LINGO2: variants seen among roughly 807,000 people sequenced by gnomAD.
LINGO2 encodes leucine rich repeat and Ig domain containing 2, also known as leucine-rich repeat and immunoglobulin-like domain-containing nogo receptor-interacting protein 2.
A neutral mutation model predicts 30.6 loss-of-function variants in LINGO2; 14 were observed. That is an observed-to-expected ratio of 0.46 (90% CI 0.30 to 0.72). The LOEUF (loss-of-function observed/expected upper bound fraction) is 0.72. LINGO2 is among the 30% of genes least tolerant of loss of function. LINGO2 has a pLI of 0.07. For synonymous variants in LINGO2, 317 were observed against 288.5 expected (o/e 1.10, Z -1.00); for missense variants, 729 against 751.7 (o/e 0.97, Z 0.35).
chr9:28,932,948 C>A, the LINGO2 span, among the ~76,000 whole-genome samples: 112,365 of 151,680 alleles, frequency 0.74, 41,759 homozygotes, highest in Non-Finnish European at 0.78. Flanking sequence ...ACTCTGTCAC[C>A]CAGGCTGGAA....
At chr9:28,664,871 C>G (rs149673827) in intron 1 of LINGO2, among the ~76,000 whole-genome samples, 29 of 151,720 alleles carry the variant, frequency 1.9e-4, no homozygotes, top group African/African-American at 6.8e-4. Context: ...TAACTGAGCA[C>G]TTATTACTGA....
chr9:28,673,624 G>A (rs143450678), upstream of LINGO2, among the ~76,000 whole-genome samples: 112 of 151,954 alleles, frequency 7.4e-4, 2 homozygotes, highest in East Asian at 0.021. Context: ...CCAAGATCAC[G>A]CCACTACACT....
chr9:28,387,429 A>C (rs968674042), intron 2 of LINGO2, among the ~76,000 whole-genome samples: 2 of 152,210 alleles, frequency 1.3e-5, no homozygotes, highest in Non-Finnish European at 2.9e-5. Context: ...AGGAAGTGGG[A>C]AGGGCCAAAT....
At chr9:28,563,316 A>C (rs1349151940) in intron 1 of LINGO2, among the ~76,000 whole-genome samples, 2 of 152,134 alleles carry the variant, frequency 1.3e-5, no homozygotes, top group African/African-American at 4.8e-5. Context: ...TCAATAAATT[A>C]AAATCGGGTA....
At chr9:28,762,202 A>T in the LINGO2 span, among the ~76,000 whole-genome samples, 1 of 152,054 alleles carries the variant, frequency 6.6e-6, no homozygotes, top group Non-Finnish European at 1.5e-5. Flanking sequence ...ATACCTATTT[A>T]TTTCCATTTT....
chr9:27,971,586 A>G (rs762984041), intron 5 of LINGO2, among the ~76,000 whole-genome samples: 5 of 151,988 alleles, frequency 3.3e-5, no homozygotes, highest in Non-Finnish European at 7.4e-5. Context: ...AAGGGGTTTC[A>G]CCATGTTGAC....
intron 4 of LINGO2, among the ~76,000 whole-genome samples, chr9:28,059,309 G>A (rs1469476428): frequency 6.6e-6 from 1 of 152,048 alleles, no homozygotes; most frequent in Non-Finnish European, 1.5e-5. Context: ...AATAGCATGT[G>A]CTCCCAGAGC....
At chr9:28,706,231 G>A in the LINGO2 span, among the ~76,000 whole-genome samples, 10 of 151,994 alleles carry the variant, frequency 6.6e-5, no homozygotes, top group African/African-American at 2.4e-4. Flanking sequence ...TTCAAACAGT[G>A]CATTTAAAGC....
the LINGO2 span, among the ~76,000 whole-genome samples, chr9:28,866,780 C>T: frequency 6.6e-6 from 1 of 152,200 alleles, no homozygotes; most frequent in Admixed American, 6.6e-5. Context: ...GGGGTAAATT[C>T]CAGCTAATGG....
the LINGO2 span, among the ~76,000 whole-genome samples, chr9:28,738,624 C>T: frequency 1.3e-5 from 2 of 151,964 alleles, no homozygotes; most frequent in Non-Finnish European, 2.9e-5. Context: ...ACATAGCAAT[C>T]TTACCTATGA....
At chr9:28,954,732 A>C in the LINGO2 span, among the ~76,000 whole-genome samples, 26 of 152,324 alleles carry the variant, frequency 1.7e-4, no homozygotes, top group Non-Finnish European at 3.4e-4. Context: ...GAATTTTGAG[A>C]ATGACTATCA....
the LINGO2 span, among the ~76,000 whole-genome samples, chr9:28,928,758 T>A: frequency 6.6e-6 from 1 of 152,192 alleles, no homozygotes; most frequent in East Asian, 1.9e-4. Flanking sequence ...ACTGGTACAC[T>A]TCTGACATGA....
intron 4 of LINGO2, among the ~76,000 whole-genome samples, chr9:28,053,875 T>C (rs1331823341): frequency 6.6e-6 from 1 of 152,092 alleles, no homozygotes; most frequent in Non-Finnish European, 1.5e-5. Flanking sequence ...GCTCCTGCTT[T>C]GTTTGTCTTA....
Position 28,026,847 on chromosome 9 carries a change from G to A in LINGO2, c.-86-14442C>T, listed in dbSNP as rs1215497352. On this transcript the variant is annotated intron_variant, in intron 4 of 5. Coordinates refer to ENST00000379992, the Ensembl canonical transcript of LINGO2. ...ATTGCCAGTTATAAGTGCCTCAGAT[G>A]TCATTATGACTAAACTTTGCCCTTG... is the stretch of plus-strand genomic sequence containing the variant. Among the ~76,000 whole-genome samples, 7 of 152,216 alleles carry A rather than the reference G, an allele frequency of 4.6e-5. No individual in the cohort carries two copies. The East Asian group carries it at 1.4e-3, about 29-fold the overall frequency.
At chr9:28,275,453 A>C (rs1160118923) in intron 4 of LINGO2, among the ~76,000 whole-genome samples, 1 of 152,106 alleles carries the variant, frequency 6.6e-6, no homozygotes, top group Non-Finnish European at 1.5e-5. Flanking sequence ...CAGCCTCATC[A>C]GTCTTCAACT....
chr9:28,310,547 G>A (rs1422308870), intron 3 of LINGO2, among the ~76,000 whole-genome samples: 1 of 152,084 alleles, frequency 6.6e-6, no homozygotes, highest in African/African-American at 2.4e-5. Context: ...TGTAATCATA[G>A]CAGTTCTGCG....
chr9:27,944,572 GGCA>G (rs1168444067), downstream of LINGO2: 1 of 152,024 alleles, frequency 6.6e-6, no homozygotes, highest in Admixed American at 6.6e-5. Context: ...TATACCCAAA[GGCA>G]GAATAATTCC....
chr9:28,533,025 G>C lies in LINGO2; in HGVS notation c.-364-57000C>G, dbSNP rs144881819. Among the ~76,000 whole-genome samples, 897 of 152,014 alleles carry C rather than the reference G, an allele frequency of 5.9e-3. 6 individuals carry two copies. The highest frequency in any genetic ancestry group is 9.3e-3 in the African/African-American group (384 of 41,464). On this transcript the variant is annotated intron_variant, in intron 1 of 5. Transcript: ENST00000379992. Reference sequence around the variant, plus strand: ...TGAAGGATACAAAGTATTGTTCCTGGGTGTGTCTGTGAGGGTGTTGCCAAA... The same window carrying C: ...TGAAGGATACAAAGTATTGTTCCTGCGTGTGTCTGTGAGGGTGTTGCCAAA...
chr9:28,398,884 G>A (rs1000190491), intron 2 of LINGO2, among the ~76,000 whole-genome samples: 3 of 151,952 alleles, frequency 2.0e-5, no homozygotes, highest in Non-Finnish European at 4.4e-5. Flanking sequence ...ACCCCTTTTC[G>A]TCTTACATTC....
Sources: allele counts gnomAD v4.1 joint callset (sites outside exome capture counted in the v4.1 genomes callset), GRCh38; gene constraint gnomAD v4.1.1; transcripts MANE v1.5; gene names NCBI Gene and HGNC (gene_info 2026-07-23, HGNC 2026-07-21).